Variants in XPO1 observed in about 807,000 individuals in gnomAD.
XPO1 encodes exportin 1, also known as exportin-1.
XPO1 carries 5 observed loss-of-function variants against 133.3 expected under a neutral mutation model. That is an observed-to-expected ratio of 0.04 (90% CI 0.02 to 0.08). The LOEUF (loss-of-function observed/expected upper bound fraction) is 0.08. XPO1 is among the 10% of genes least tolerant of loss of function. The pLI, the probability that XPO1 is intolerant of heterozygous loss-of-function variation, is 1.00. For missense variants in XPO1, 506 were observed against 1,267.5 expected, an observed-to-expected ratio of 0.40 and a Z score of 9.12; for synonymous variants, 419 against 408.2, an observed-to-expected ratio of 1.03 and a Z score of -0.32.
intron 4 of XPO1, among the ~76,000 whole-genome samples, chr2:61,503,952 G>A (rs1697671552): frequency 2.6e-5 from 4 of 152,216 alleles, no homozygotes; most frequent in Admixed American, 2.0e-4. Flanking sequence ...GGATGAAGCC[G>A]GTGGATCGCT....
At chr2:61,515,100 C>G (rs1435855557) in intron 4 of XPO1, among the ~76,000 whole-genome samples, 1 of 148,902 alleles carries the variant, frequency 6.7e-6, no homozygotes, top group Non-Finnish European at 1.5e-5. Context: ...CCACACAATC[C>G]AGCCATTCCA....
intron 1 of XPO1, chr2:61,537,104 C>G (rs1699387264): frequency 6.6e-6 from 1 of 152,158 alleles, no homozygotes; most frequent in Non-Finnish European, 1.5e-5. Context: ...CTCCCCCATC[C>G]CAAGCTCTCC....
chr2:61,507,770 C>A (rs759020297), intron 4 of XPO1, among the ~76,000 whole-genome samples: 2 of 151,852 alleles, frequency 1.3e-5, no homozygotes, highest in Non-Finnish European at 2.9e-5. Flanking sequence ...CCCAGCTACT[C>A]GGGAGGCTGA....
chr2:61,516,549 G>A (rs897603566), intron 4 of XPO1, among the ~76,000 whole-genome samples: 2 of 151,786 alleles, frequency 1.3e-5, no homozygotes, highest in African/African-American at 4.8e-5. Flanking sequence ...CCAATAGCTG[G>A]GATTACAGGC....
chr2:61,500,365 G>A (rs968064089), intron 6 of XPO1, among the ~76,000 whole-genome samples: 14 of 151,896 alleles, frequency 9.2e-5, no homozygotes, highest in Non-Finnish European at 1.9e-4. Flanking sequence ...AGGATCACGA[G>A]GTCAGGAGTT....
At chr2:61,527,765 T>C (rs947554240) in intron 2 of XPO1, among the ~76,000 whole-genome samples, 1 of 152,118 alleles carries the variant, frequency 6.6e-6, no homozygotes, top group African/African-American at 2.4e-5. Flanking sequence ...ACTATTTCCG[T>C]TTTTATTTTC....
chr2:61,486,508 G>C (rs1235602456), intron 19 of XPO1, among the ~76,000 whole-genome samples: 2 of 152,154 alleles, frequency 1.3e-5, no homozygotes, highest in African/African-American at 4.8e-5. Flanking sequence ...CCAGGCTGGA[G>C]TGCAGTGGTG....
At chr2:61,491,459 AACACACACACACACACACACAC>A (rs61072503) in intron 16 of XPO1, among the ~76,000 whole-genome samples, 41 of 143,010 alleles carry the variant, frequency 2.9e-4, no homozygotes, top group East Asian at 1.4e-3. Context: ...TCAAAAAACA[AACACACACACACACACACACAC>A]ACACACACAC....
chr2:61,479,890 A>T (rs1425214760), intron 24 of XPO1, among the ~76,000 whole-genome samples: 1 of 151,896 alleles, frequency 6.6e-6, no homozygotes, highest in African/African-American at 2.4e-5. Context: ...TTTGAGAGGC[A>T]GTCTTGCTCT....
chr2:61,482,034 C>CTTTTTTTTTTTTTTTTTTT (rs1195049382), intron 23 of XPO1, among the ~76,000 whole-genome samples: 4 of 71,368 alleles, frequency 5.6e-5, no homozygotes, highest in Non-Finnish European at 1.1e-4. Context: ...CGTGCGTGGC[C>CTTTTTTTTTTTTTTTTTTT]TTTTTTTTTT....
intron 4 of XPO1, among the ~76,000 whole-genome samples, chr2:61,513,545 G>A (rs72815595): frequency 6.6e-6 from 1 of 150,798 alleles, no homozygotes; most frequent in Admixed American, 6.6e-5. Flanking sequence ...GGCTCGTCTC[G>A]AACTGCTGAC....
In XPO1 at chr2:61,492,321, T is replaced by G; in HGVS notation, c.1723+4A>C. 1 of 1,586,104 alleles carries G rather than the reference T, an allele frequency of 6.3e-7. No individual in the cohort carries two copies. The highest frequency in any genetic ancestry group is 2.2e-5 in the East Asian group (1 of 44,786). On this transcript the variant is annotated splice_donor_region_variant and intron_variant, in intron 15 of 24. Coordinates refer to ENST00000401558, the MANE Select transcript of XPO1 (RefSeq NM_003400.4). The surrounding 1 kb of genome is among the most constrained non-coding windows in gnomAD (Gnocchi z 5.6). Reference sequence around the variant, plus strand: ...AGCAAAATATAGTAAAGAAAGAGATTTACCATGCATGAATTCGAACAGCTT... The same window carrying G: ...AGCAAAATATAGTAAAGAAAGAGATGTACCATGCATGAATTCGAACAGCTT...
intron 9 of XPO1, among the ~76,000 whole-genome samples, chr2:61,497,402 G>A: frequency 6.6e-6 from 1 of 152,104 alleles, no homozygotes; most frequent in Middle Eastern, 3.2e-3. Flanking sequence ...AGTAGAGACA[G>A]GGTTTTGCCA....
chr2:61,523,569 T>C (rs974748132), intron 3 of XPO1, among the ~76,000 whole-genome samples: 1 of 152,210 alleles, frequency 6.6e-6, no homozygotes, highest in African/African-American at 2.4e-5. Flanking sequence ...ACATTTCAAC[T>C]GAGAGAATTA....
intron 4 of XPO1, among the ~76,000 whole-genome samples, chr2:61,519,698 C>CAAAAAAAAAAAAAAAAA: frequency 1.4e-5 from 1 of 72,774 alleles, no homozygotes; most frequent in Non-Finnish European, 2.4e-5. Context: ...GACTCCGTCT[C>CAAAAAAAAAAAAAAAAA]AAAAAAAAAA....
intron 2 of XPO1, among the ~76,000 whole-genome samples, chr2:61,531,745 TAGA>T (rs1699161667): frequency 6.6e-6 from 1 of 152,226 alleles, no homozygotes; most frequent in South Asian, 2.1e-4. Context: ...GCATCCATGC[TAGA>T]AGAAATGAAG....
rs1696947141 is a variant in XPO1 at position 61,490,892 on chromosome 2, C to T, written c.1888-116G>A. 9.6e-6 allele frequency: 12 copies of T among 1,249,950 alleles called. No homozygotes were observed. In the South Asian group the frequency reaches 1.7e-4, roughly 18 times the overall value. The allele number at this position is 1,249,950 out of a possible 1,614,324, so 77.4% of individuals were successfully genotyped here. A position where few individuals can be genotyped will look rare whatever the true frequency, so the allele number is the denominator to read the frequency against. ...ATTTTGGCCCAGGTGCAGTGGATCA[C>T]TCCTGTAATCCCAATACTTTGAGAA... On this transcript the variant is annotated intron_variant, in intron 16 of 24. Coordinates refer to ENST00000401558, the MANE Select transcript of XPO1 (RefSeq NM_003400.4).
At chr2:61,522,171 G>A (rs1573209557) in intron 4 of XPO1, among the ~76,000 whole-genome samples, 1 of 152,196 alleles carries the variant, frequency 6.6e-6, no homozygotes, top group East Asian at 1.9e-4. Context: ...TTGAGCTCAA[G>A]CAATGCTCCC....
chr2:61,537,052 C>T (rs933991711), intron 1 of XPO1: 1 of 152,152 alleles, frequency 6.6e-6, no homozygotes, highest in Non-Finnish European at 1.5e-5. Flanking sequence ...GGAGAGCTTT[C>T]GAGTTTCCTT....
Sources: allele counts gnomAD v4.1 joint callset (sites outside exome capture counted in the v4.1 genomes callset), GRCh38; gene constraint gnomAD v4.1.1; non-coding constraint Gnocchi (gnomAD v3.1); transcripts MANE v1.5; gene names NCBI Gene and HGNC (gene_info 2026-07-23, HGNC 2026-07-21).